Variants in XPO6 observed in about 807,000 individuals in gnomAD.
XPO6 encodes the protein exportin-6.
In XPO6, 3 loss-of-function variants were observed where a neutral mutation model predicts 130.0. That is an observed-to-expected ratio of 0.02 (90% CI 0.01 to 0.06). The LOEUF (loss-of-function observed/expected upper bound fraction) is 0.06. Among genes scored for constraint, XPO6 ranks in the 10% least tolerant of loss-of-function variants. The probability of loss-of-function intolerance (pLI) is 1.00; values close to 1 mark genes in which losing one functional copy is unlikely to be tolerated. For synonymous variants in XPO6, 524 were observed against 548.9 expected, an observed-to-expected ratio of 0.95 and a Z score of 0.63; for missense variants, 970 against 1,393.0, an observed-to-expected ratio of 0.70 and a Z score of 4.83.
At chr16:28,115,945 C>T (rs1281944572) in intron 15 of XPO6, among the ~76,000 whole-genome samples, 2 of 152,224 alleles carry the variant, frequency 1.3e-5, no homozygotes, top group Non-Finnish European at 2.9e-5. Flanking sequence ...GTAGCTTCCT[C>T]ACCTCTCTCA....
intron 8 of XPO6, 60 bp from the exon 9 acceptor site, chr16:28,146,263 A>C: frequency 8.4e-7 from 1 of 1,194,226 alleles, no homozygotes; most frequent in Non-Finnish European, 1.2e-6. Flanking sequence ...CCTTAGAAAC[A>C]CACACATGCC....
At chr16:28,107,227 G>A (rs1361909021) in intron 18 of XPO6, among the ~76,000 whole-genome samples, 1 of 152,186 alleles carries the variant, frequency 6.6e-6, no homozygotes, top group Non-Finnish European at 1.5e-5. Flanking sequence ...TGAGGGGAAC[G>A]ATCTCGGCAA....
At chr16:28,163,928 G>A (rs1448710522) in intron 6 of XPO6, among the ~76,000 whole-genome samples, 1 of 152,210 alleles carries the variant, frequency 6.6e-6, no homozygotes, top group Non-Finnish European at 1.5e-5. Flanking sequence ...CTGATCTCGT[G>A]AGGTGAGTGA....
At chr16:28,121,565 C>CT in intron 14 of XPO6, 105 bp downstream of exon 14, 1 of 876,238 alleles carries the variant, frequency 1.1e-6, no homozygotes, top group Non-Finnish European at 1.9e-6. Flanking sequence ...GAGTTTTTCC[C>CT]TGATTCATGG....
At chr16:28,178,734 C>T (rs2043569458) in intron 2 of XPO6, among the ~76,000 whole-genome samples, 1 of 140,674 alleles carries the variant, frequency 7.1e-6, no homozygotes, top group Admixed American at 7.4e-5. Flanking sequence ...AGTGATAGAG[C>T]AAAATCCTAT....
At chr16:28,144,560 A>T (rs751049504) in intron 9 of XPO6, among the ~76,000 whole-genome samples, 1 of 152,120 alleles carries the variant, frequency 6.6e-6, no homozygotes, top group Non-Finnish European at 1.5e-5. Flanking sequence ...ACAGGTACAT[A>T]CTACCACATC....
chr16:28,107,432 G>T (rs2086810098), intron 18 of XPO6, 90 bp downstream of exon 18: 7 of 1,467,026 alleles, frequency 4.8e-6, no homozygotes, highest in Non-Finnish European at 6.6e-6. Context: ...GGCCTGTACT[G>T]CACCGACTCA....
chr16:28,191,791 A>T (rs1295209818), intron 1 of XPO6, among the ~76,000 whole-genome samples: 1 of 152,242 alleles, frequency 6.6e-6, no homozygotes, highest in Non-Finnish European at 1.5e-5. Flanking sequence ...AATGAGTATG[A>T]AACTGACGAA....
chr16:28,200,515 T>A (rs1285653409), intron 1 of XPO6, among the ~76,000 whole-genome samples: 1 of 151,860 alleles, frequency 6.6e-6, no homozygotes, highest in Admixed American at 6.6e-5. Flanking sequence ...CGGAGTTTCG[T>A]CTGTCACCCA....
At chr16:28,164,927 C>A (rs1400377285) in intron 6 of XPO6, among the ~76,000 whole-genome samples, 1 of 152,168 alleles carries the variant, frequency 6.6e-6, no homozygotes, top group African/African-American at 2.4e-5. Flanking sequence ...CTCAAAAGAA[C>A]TAATCTTGGC....
Position 28,169,577 on chromosome 16 carries a change from G to A in XPO6, c.565+173C>T, listed in dbSNP as rs562666833. ...GGAAAATAAGGTACAAATCTATTTT[G>A]TAGTCCTACTGTGTGCTAGACCCTG... On this transcript the variant is annotated intron_variant, in intron 5 of 23. Coordinates refer to ENST00000304658, the MANE Select transcript of XPO6 (RefSeq NM_015171.4). 2.6e-5 allele frequency among the ~76,000 whole-genome samples: 4 copies of A among 152,346 alleles called. No homozygotes were observed. The East Asian group carries it at 5.8e-4, about 22-fold the overall frequency.
intron 1 of XPO6, among the ~76,000 whole-genome samples, chr16:28,200,210 G>A (rs2043933969): frequency 6.6e-6 from 1 of 151,254 alleles, no homozygotes; most frequent in Non-Finnish European, 1.5e-5. Flanking sequence ...GATTATTAAT[G>A]AGTTTAGAAA....
intron 1 of XPO6, among the ~76,000 whole-genome samples, chr16:28,200,250 C>T (rs1337153783): frequency 4.6e-5 from 7 of 151,996 alleles, no homozygotes; most frequent in Non-Finnish European, 1.0e-4. Context: ...CTCCATTTGG[C>T]TTATAAAATA....
intron 14 of XPO6, among the ~76,000 whole-genome samples, 167 bp downstream of exon 14, chr16:28,121,503 C>G (rs1173130253): frequency 6.6e-6 from 1 of 152,184 alleles, no homozygotes; most frequent in Non-Finnish European, 1.5e-5. Context: ...CCGCCTCTGC[C>G]CCAGACATAT....
chr16:28,197,251 C>CA (rs1023210162), intron 1 of XPO6, among the ~76,000 whole-genome samples: 11 of 148,708 alleles, frequency 7.4e-5, no homozygotes, highest in East Asian at 5.9e-4. Context: ...GACTCTGACT[C>CA]AAAAAAAAAT....
chr16:28,102,513 G>A (rs778915414), intron 21 of XPO6, among the ~76,000 whole-genome samples: 6 of 152,164 alleles, frequency 3.9e-5, no homozygotes, highest in Non-Finnish European at 7.3e-5. Flanking sequence ...CGAGGTGGGC[G>A]GATCACTGAA....
At chr16:28,160,184 TAAAAAAAAAAAAAA>T (rs56947792) in intron 6 of XPO6, among the ~76,000 whole-genome samples, 1 of 76,128 alleles carries the variant, frequency 1.3e-5, no homozygotes, top group Non-Finnish European at 2.3e-5. Context: ...GCCTCCGTCT[TAAAAAAAAAAAAAA>T]AAAAAAAAAA....
Position 28,180,866 on chromosome 16 carries a change from C to A in XPO6, c.94+75G>T, listed in dbSNP as rs1407624736. ...AGCACGCAGACTTGACCAGTCACGG[C>A]TACGAACAACTCCTTCCTCCCTACC... On this transcript the variant is annotated intron_variant, in intron 2 of 23. Transcript: ENST00000304658. 3 of 1,229,656 alleles carry A rather than the reference C, an allele frequency of 2.4e-6. No homozygotes were observed. In the Admixed American group the frequency reaches 6.3e-5, roughly 26 times the overall value. 76.2% of individuals were successfully genotyped at this position (1,229,656 alleles called of 1,614,324 possible).
chr16:28,123,037 A>AT (rs2087284707), intron 13 of XPO6, among the ~76,000 whole-genome samples: 1 of 152,116 alleles, frequency 6.6e-6, no homozygotes, highest in Non-Finnish European at 1.5e-5. Flanking sequence ...ATTAAACACA[A>AT]TAACTAATAG....
Sources: allele counts gnomAD v4.1 joint callset (sites outside exome capture counted in the v4.1 genomes callset), GRCh38; gene constraint gnomAD v4.1.1; transcripts MANE v1.5; gene names NCBI Gene and HGNC (gene_info 2026-07-23, HGNC 2026-07-21).